Variants in NRF1 observed in about 807,000 individuals in gnomAD.
NRF1 encodes alpha palindromic-binding protein.
In NRF1, 5 loss-of-function variants were observed where a neutral mutation model predicts 58.5. The observed-to-expected ratio is 0.09, with a 90% CI of 0.04 to 0.18. The LOEUF (loss-of-function observed/expected upper bound fraction) is 0.18. Among genes scored for constraint, NRF1 ranks in the 10% least tolerant of loss-of-function variants. NRF1 has a pLI of 1.00. For missense variants in NRF1, 288 were observed against 657.7 expected (o/e 0.44, Z 6.15); for synonymous variants, 224 against 246.7 (o/e 0.91, Z 0.86).
intron 1 of NRF1, among the ~76,000 whole-genome samples, chr7:129,626,904 C>T (rs913670875): frequency 3.3e-5 from 5 of 152,156 alleles, no homozygotes; most frequent in Admixed American, 6.5e-5. Flanking sequence ...TAATGATTTT[C>T]ATATCTACTA....
chr7:129,648,665 T>C (rs1484621520), intron 1 of NRF1, among the ~76,000 whole-genome samples: 2 of 152,170 alleles, frequency 1.3e-5, no homozygotes, highest in African/African-American at 4.8e-5. Context: ...TGTAATACTG[T>C]TTCCATCTCC....
At chr7:129,746,657 T>A (rs921964827) in intron 10 of NRF1, among the ~76,000 whole-genome samples, 5 of 152,222 alleles carry the variant, frequency 3.3e-5, no homozygotes, top group Non-Finnish European at 7.3e-5. Flanking sequence ...GGAATTTAAT[T>A]TCTTACTCAC....
rs780109640 is a variant in NRF1, at chr7:129,659,073, CTTTTTTTTT to C, written c.223+1514_223+1522del. ...CAACTGTATTTTAAACACCACAGGACTTTTTTTTTTTTTTTTTTTTTTTGAGATGGAGTC... is the reference window on the plus strand; with the variant it reads ...CAACTGTATTTTAAACACCACAGGACTTTTTTTTTTTTTTGAGATGGAGTC... On this transcript the variant is annotated intron_variant, in intron 2 of 10. Coordinates refer to ENST00000393232, the MANE Select transcript of NRF1 (RefSeq NM_005011.5). 3.2e-3 allele frequency among the ~76,000 whole-genome samples: 286 copies of C among 88,164 alleles called. 4 individuals carry two copies. The highest frequency in any genetic ancestry group is 0.013 in the African/African-American group (256 of 20,164). 57.8% of individuals were successfully genotyped at this position (88,164 alleles called of 152,430 possible). A position where few individuals can be genotyped will look rare whatever the true frequency, so the allele number is the denominator to read the frequency against.
intron 5 of NRF1, among the ~76,000 whole-genome samples, chr7:129,706,005 T>G (rs1400560724): frequency 6.6e-6 from 1 of 152,146 alleles, no homozygotes; most frequent in Non-Finnish European, 1.5e-5. Context: ...TGTAGGACTT[T>G]TCTGGGCACT....
intron 9 of NRF1, among the ~76,000 whole-genome samples, chr7:129,721,054 G>A (rs1269143725): frequency 6.6e-6 from 1 of 151,778 alleles, no homozygotes; most frequent in Admixed American, 6.6e-5. Flanking sequence ...TTATATATAA[G>A]CTATTTAGCC....
intron 1 of NRF1, among the ~76,000 whole-genome samples, chr7:129,635,980 C>G (rs1300100635): frequency 6.6e-6 from 1 of 151,888 alleles, no homozygotes; most frequent in Non-Finnish European, 1.5e-5. Context: ...TCTTATTTTT[C>G]TAACTATTCA....
chr7:129,696,372 T>G lies in NRF1; in HGVS notation c.606+5826T>G, dbSNP rs6955196. 5.3e-3 allele frequency among the ~76,000 whole-genome samples: 802 copies of G among 152,378 alleles called. 10 individuals are homozygous for G. Among genetic ancestry groups the G allele is most frequent in the African/African-American group, 0.018 (759 of 41,588 alleles). Reference sequence around the variant, plus strand: ...CTCTTTTTCCCCCCTTATTTTCCTCTTAAATAGATACTGTGTGTTGGAAGG... The same window carrying G: ...CTCTTTTTCCCCCCTTATTTTCCTCGTAAATAGATACTGTGTGTTGGAAGG... On this transcript the variant is annotated intron_variant, in intron 5 of 10. Coordinates refer to ENST00000393232, the MANE Select transcript of NRF1 (RefSeq NM_005011.5).
chr7:129,663,644 G>A (rs866634902), intron 2 of NRF1, among the ~76,000 whole-genome samples: 75 of 151,528 alleles, frequency 4.9e-4, no homozygotes, highest in African/African-American at 1.6e-3. Flanking sequence ...CTTCCCAGAC[G>A]GGGCGGGCGG....
intron 4 of NRF1, among the ~76,000 whole-genome samples, chr7:129,682,199 T>C (rs529697212): frequency 1.3e-5 from 2 of 150,574 alleles, no homozygotes; most frequent in South Asian, 4.2e-4. Flanking sequence ...GTGGCACATA[T>C]GTATAATCCC....
intron 10 of NRF1, among the ~76,000 whole-genome samples, chr7:129,753,168 C>G (rs550861970): frequency 2.3e-4 from 35 of 151,776 alleles, no homozygotes; most frequent in East Asian, 1.2e-3. Flanking sequence ...TTTTGACAAC[C>G]CTTTTTAAAA....
chr7:129,654,061 A>G (rs1801597724), intron 1 of NRF1, among the ~76,000 whole-genome samples: 2 of 152,222 alleles, frequency 1.3e-5, no homozygotes, highest in Admixed American at 1.3e-4. Context: ...TGTCTTCCAA[A>G]GTGGCTGTAC....
At chr7:129,710,640 A>C in intron 7 of NRF1, 69 bp downstream of exon 7, 1 of 822,968 alleles carries the variant, frequency 1.2e-6, no homozygotes, top group East Asian at 2.4e-5. Flanking sequence ...ACCTCAGACT[A>C]GGGAAAGTTT....
At chr7:129,701,707 CT>C (rs1162805891) in intron 5 of NRF1, among the ~76,000 whole-genome samples, 1 of 151,892 alleles carries the variant, frequency 6.6e-6, no homozygotes, top group African/African-American at 2.4e-5. Context: ...CAAAGTCTTT[CT>C]GGAGGACAAT....
chr7:129,621,096 A>G (rs1800788395), intron 1 of NRF1, among the ~76,000 whole-genome samples: 1 of 152,332 alleles, frequency 6.6e-6, no homozygotes, highest in East Asian at 1.9e-4. Flanking sequence ...GATTTCCAAA[A>G]TATTTCTTTT....
chr7:129,634,037 AAAAAAG>A (rs1415531364), intron 1 of NRF1, among the ~76,000 whole-genome samples: 160 of 75,070 alleles, frequency 2.1e-3, no homozygotes, highest in African/African-American at 0.01. Context: ...TTTAAAAAAA[AAAAAAG>A]ATATATATAT....
At chr7:129,724,343 C>T (rs138887724) in intron 9 of NRF1, among the ~76,000 whole-genome samples, 46 of 152,294 alleles carry the variant, frequency 3.0e-4, no homozygotes, top group African/African-American at 5.5e-4. Flanking sequence ...TCACCTCACA[C>T]CCATTAAGAT....
Position 129,710,509 on chromosome 7 carries a change from G to C in NRF1, c.901G>C (p.Val301Leu). Residue 301 changes from valine to leucine, a missense_variant, in exon 7 of 11, where the codon GTA becomes CTA. Transcript: ENST00000393232. ...AGCCACACATAGTATAGCTCATCTT[G>C]TACCATCACAGACTGTAGTCCAGAC... The part of the protein sequence containing the change: ...ATATHSIAHL[V>L]PSQTVVQTFS... 1 of 1,608,196 alleles carries C rather than the reference G, an allele frequency of 6.2e-7. No individual in the cohort carries two copies. The highest frequency in any genetic ancestry group is 8.5e-7 in the Non-Finnish European group (1 of 1,174,628).
Position 129,712,334 on chromosome 7 carries a change from T to C in NRF1, c.1065+758T>C, listed in dbSNP as rs115782508. Among the ~76,000 whole-genome samples, 185 of 152,340 alleles carry C rather than the reference T, an allele frequency of 1.2e-3. 2 individuals are homozygous for C. Among genetic ancestry groups the C allele is most frequent in the Non-Finnish European group, 2.1e-3 (142 of 68,036 alleles). ...CCATGAGTGTTTCCCTTGAAGATACTGATGTGGTGTGCTGAAGTTTGAAAA... is the reference window on the plus strand; with the variant it reads ...CCATGAGTGTTTCCCTTGAAGATACCGATGTGGTGTGCTGAAGTTTGAAAA... On this transcript the variant is annotated intron_variant, in intron 8 of 10. Transcript: ENST00000393232.
chr7:129,613,713 A>G (rs549080962), intron 1 of NRF1, among the ~76,000 whole-genome samples: 1 of 151,166 alleles, frequency 6.6e-6, no homozygotes, highest in South Asian at 2.1e-4. Flanking sequence ...AGCCTGGCCA[A>G]CATGGTGAAA....
Sources: allele counts gnomAD v4.1 joint callset (sites outside exome capture counted in the v4.1 genomes callset), GRCh38; gene constraint gnomAD v4.1.1; transcripts MANE v1.5; gene names NCBI Gene and HGNC (gene_info 2026-07-23, HGNC 2026-07-21).